The following PTPRD variants were observed in gnomAD, a reference collection of about 807,000 sequenced individuals.
PTPRD encodes the protein receptor-type tyrosine-protein phosphatase delta.
Under a neutral mutation model 214.5 loss-of-function variants are expected in PTPRD, and 34 were observed. That is an observed-to-expected ratio of 0.16 (90% CI 0.12 to 0.21). The LOEUF is 0.21. Ranked by LOEUF, PTPRD falls within the 10% of genes least tolerant of loss-of-function variation. PTPRD has a pLI of 1.00. For synonymous variants in PTPRD, 1,128 were observed against 845.7 expected, an observed-to-expected ratio of 1.33 and a Z score of -5.79; for missense variants, 2,545 against 2,398.7, an observed-to-expected ratio of 1.06 and a Z score of -1.27.
At position 8,331,575 on chromosome 9, in the gene PTPRD, A is replaced by AACTTACCTGCAATGGACTG; in HGVS notation, c.5522_5534+6dup. ...TATCACTGCTTTATTCACAAATGGA[A>AACTTACCTGCAATGGACTG]ACTTACCTGCAATGGACTGAAATGG... On this transcript the variant is annotated splice_region_variant and intron_variant, in intron 44 of 45. Coordinates refer to ENST00000381196, the MANE Select transcript of PTPRD (RefSeq NM_002839.4). 1 of 1,509,576 alleles carries AACTTACCTGCAATGGACTG rather than the reference A, an allele frequency of 6.6e-7. No individual in the cohort carries two copies. The highest frequency in any genetic ancestry group is 8.7e-7 in the Non-Finnish European group (1 of 1,144,492). 93.5% of individuals were successfully genotyped at this position (1,509,576 alleles called of 1,614,324 possible). A position where few individuals can be genotyped will look rare whatever the true frequency, so the allele number is the denominator to read the frequency against.
chr9:8,726,569 TAAAAAAAA>T (rs764810328), intron 12 of PTPRD, among the ~76,000 whole-genome samples: 8 of 1,982 alleles, frequency 4.0e-3, no homozygotes, highest in Admixed American at 0.015. Flanking sequence ...CGGTCTCTAC[TAAAAAAAA>T]AAAAAAAAAA....
intron 2 of PTPRD, among the ~76,000 whole-genome samples, chr9:10,416,579 A>C (rs887889553): frequency 3.3e-5 from 5 of 151,962 alleles, no homozygotes; most frequent in African/African-American, 1.2e-4. Context: ...ATGAGAAAAC[A>C]AACAGTGAAA....
At chr9:8,720,751 AGTGT>A (rs1478851511) in intron 12 of PTPRD, among the ~76,000 whole-genome samples, 1 of 152,126 alleles carries the variant, frequency 6.6e-6, no homozygotes, top group Non-Finnish European at 1.5e-5. Flanking sequence ...ATTCTTACAC[AGTGT>A]GTAAGCTGTG....
intron 3 of PTPRD, among the ~76,000 whole-genome samples, chr9:10,279,499 C>T (rs1175639244): frequency 6.6e-6 from 1 of 152,020 alleles, no homozygotes; most frequent in African/African-American, 2.4e-5. Context: ...ACTAGATCTG[C>T]ATGTTCACAG....
In PTPRD at chr9:8,949,524, C is replaced by G. The variant is rs1274997061; in HGVS notation, c.-104+69173G>C. On this transcript the variant is annotated intron_variant, in intron 11 of 45. Coordinates refer to ENST00000381196, the MANE Select transcript of PTPRD (RefSeq NM_002839.4). ...TTTACATAACGCCTTTGAAAGGTCC[C>G]TAGAAACTCGCTAACTTTTGAAGTC... 3.3e-5 allele frequency among the ~76,000 whole-genome samples: 5 copies of G among 152,092 alleles called. No homozygotes were observed. In the East Asian group the frequency reaches 9.7e-4, roughly 30 times the overall value.
chr9:9,686,019 C>T (rs756843672), intron 7 of PTPRD, among the ~76,000 whole-genome samples: 11 of 151,222 alleles, frequency 7.3e-5, no homozygotes, highest in East Asian at 1.9e-4. Context: ...TCTTAGAAGA[C>T]ATTTTGGTGT....
chr9:10,201,748 T>C (rs2099425073), intron 3 of PTPRD, among the ~76,000 whole-genome samples: 1 of 152,084 alleles, frequency 6.6e-6, no homozygotes, highest in Non-Finnish European at 1.5e-5. Flanking sequence ...TATGTAAGCA[T>C]CACATTGTAT....
chr9:9,262,808 C>G (rs907676112), intron 9 of PTPRD, among the ~76,000 whole-genome samples: 1 of 151,534 alleles, frequency 6.6e-6, no homozygotes, highest in Non-Finnish European at 1.5e-5. Context: ...GCATCATTGA[C>G]TTAGATAGAT....
intron 2 of PTPRD, among the ~76,000 whole-genome samples, chr9:10,596,824 T>C (rs2076732840): frequency 6.6e-6 from 1 of 151,640 alleles, no homozygotes; most frequent in African/African-American, 2.4e-5. Flanking sequence ...TATCTGCTTT[T>C]AATATTAGAA....
chr9:8,728,640 C>A (rs1274125332), intron 12 of PTPRD, among the ~76,000 whole-genome samples: 1 of 152,058 alleles, frequency 6.6e-6, no homozygotes, highest in East Asian at 1.9e-4. Context: ...CTGCAAGATG[C>A]AATCATTTGC....
intron 2 of PTPRD, among the ~76,000 whole-genome samples, chr9:10,554,766 T>C (rs572495130): frequency 6.6e-6 from 1 of 152,200 alleles, no homozygotes; most frequent in East Asian, 1.9e-4. Context: ...CTTCACGCCA[T>C]TCTCCTGCCT....
intron 2 of PTPRD, among the ~76,000 whole-genome samples, chr9:10,580,399 A>T (rs2071313662): frequency 6.6e-6 from 1 of 152,192 alleles, no homozygotes; most frequent in Non-Finnish European, 1.5e-5. Context: ...CTTAATGTAA[A>T]GTATAAGTCT....
At chr9:9,397,388 C>G (rs1346611576) in intron 9 of PTPRD, 61 bp downstream of exon 9, 1 of 152,220 alleles carries the variant, frequency 6.6e-6, no homozygotes, top group East Asian at 1.9e-4. Context: ...AAAATAAAAC[C>G]TTTAGAATAT....
chr9:9,352,341 G>GTGTGTGTATATA (rs1482197870), intron 9 of PTPRD, among the ~76,000 whole-genome samples: 1 of 146,006 alleles, frequency 6.8e-6, no homozygotes, highest in East Asian at 2.0e-4. Context: ...GTGTGTGTGT[G>GTGTGTGTATATA]TGTGTGTGTG....
intron 11 of PTPRD, among the ~76,000 whole-genome samples, chr9:8,968,747 C>T (rs1283806392): frequency 1.3e-5 from 2 of 151,956 alleles, no homozygotes; most frequent in South Asian, 2.1e-4. Context: ...AATTACTATA[C>T]TGTCAATGCA....
intron 2 of PTPRD, among the ~76,000 whole-genome samples, chr9:10,453,706 G>A (rs545118227): frequency 6.6e-6 from 1 of 151,340 alleles, no homozygotes; most frequent in African/African-American, 2.4e-5. Context: ...TTTTGTGGGG[G>A]TGTTAACATT....
At chr9:8,419,019 G>C (rs970772141) in intron 35 of PTPRD, among the ~76,000 whole-genome samples, 1 of 151,822 alleles carries the variant, frequency 6.6e-6, no homozygotes. Flanking sequence ...AGGAGTTCGA[G>C]ACTGGCCTCA....
At chr9:8,390,578 C>G (rs974820787) in intron 36 of PTPRD, among the ~76,000 whole-genome samples, 1 of 152,200 alleles carries the variant, frequency 6.6e-6, no homozygotes, top group South Asian at 2.1e-4. Context: ...GACCATGTCT[C>G]TTTTATTCAC....
chr9:9,733,004 A>G (rs922138464), intron 7 of PTPRD, among the ~76,000 whole-genome samples: 3 of 152,128 alleles, frequency 2.0e-5, no homozygotes, highest in Admixed American at 6.6e-5. Flanking sequence ...ATCATTGTGA[A>G]TAGGTATTTG....
Sources: gnomAD v4.1 joint callset for allele counts (sites outside exome capture counted in the v4.1 genomes callset) on GRCh38, gnomAD v4.1.1 for gene constraint, MANE v1.5 for transcripts, NCBI Gene and HGNC (gene_info 2026-07-23, HGNC 2026-07-21) for gene names.